ANKRD46: variants seen among roughly 807,000 people sequenced by gnomAD.
The protein encoded by ANKRD46 is ankyrin repeat domain-containing protein 46.
Under a neutral mutation model 19.8 loss-of-function variants are expected in ANKRD46, and 13 were observed. The observed-to-expected ratio is 0.66, with a 90% CI of 0.43 to 1.04. The LOEUF (loss-of-function observed/expected upper bound fraction) is 1.04. ANKRD46 is among the 50% of genes least tolerant of loss of function. The probability of loss-of-function intolerance (pLI) is 0.00; values close to 1 mark genes in which losing one functional copy is unlikely to be tolerated. For missense variants in ANKRD46, 185 were observed against 274.8 expected, an observed-to-expected ratio of 0.67 and a Z score of 2.31; for synonymous variants, 91 against 106.9, an observed-to-expected ratio of 0.85 and a Z score of 0.92.
intron 1 of ANKRD46, among the ~76,000 whole-genome samples, chr8:100,554,209 T>C (rs1267601905): frequency 6.6e-6 from 1 of 152,228 alleles, no homozygotes; most frequent in Non-Finnish European, 1.5e-5. Flanking sequence ...TCTAATAATG[T>C]ACTGGCAAGT....
downstream of ANKRD46, among the ~76,000 whole-genome samples, chr8:100,517,898 T>C (rs1268585088): frequency 6.6e-6 from 1 of 152,180 alleles, no homozygotes; most frequent in African/African-American, 2.4e-5. Context: ...TACATCAAGA[T>C]GACTACATAA....
At chr8:100,551,779 T>C in intron 1 of ANKRD46, 1 of 454,220 alleles carries the variant, frequency 2.2e-6, no homozygotes, top group African/African-American at 2.0e-5. Flanking sequence ...CCAGCACCCA[T>C]ACCCACCTCT....
In ANKRD46 at chr8:100,532,237, G is replaced by A. The variant is rs770203954; in HGVS notation, c.-28+972C>T. ...TCCCAGTACTTTGGAAGGCCAAAATGGGAGGATAGCTTGAAGCCCAGGAGT... is the reference window on the plus strand; with the variant it reads ...TCCCAGTACTTTGGAAGGCCAAAATAGGAGGATAGCTTGAAGCCCAGGAGT... On this transcript the variant is annotated intron_variant, in intron 2 of 4. Coordinates refer to ENST00000335659, the MANE Select transcript of ANKRD46 (RefSeq NM_001270377.2). This position sits in a 1 kb window ranked among gnomAD's most constrained non-coding sequence, Gnocchi z 4.7. The A allele has an allele frequency of 2.6e-5, 4 of 152,232 alleles. No homozygotes were observed. Among genetic ancestry groups the A allele is most frequent in the African/African-American group, 7.2e-5 (3 of 41,444 alleles). 9.4% of individuals were successfully genotyped at this position (152,232 alleles called of 1,614,324 possible).
intron 1 of ANKRD46, among the ~76,000 whole-genome samples, chr8:100,553,775 A>C (rs140030680): frequency 6.6e-6 from 1 of 152,280 alleles, no homozygotes; most frequent in East Asian, 1.9e-4. Flanking sequence ...AAACCAAAAA[A>C]ACTCAGGCAA....
chr8:100,530,510 A>C (rs531852094), intron 2 of ANKRD46, among the ~76,000 whole-genome samples: 14 of 151,994 alleles, frequency 9.2e-5, no homozygotes, highest in Non-Finnish European at 1.3e-4. Context: ...CAGCCTCCCA[A>C]GTAGCTGGAA....
intron 1 of ANKRD46, among the ~76,000 whole-genome samples, chr8:100,552,127 GTGA>G (rs1812404646): frequency 6.7e-6 from 1 of 149,152 alleles, no homozygotes; most frequent in African/African-American, 2.5e-5. Flanking sequence ...TCCAGCCTGG[GTGA>G]CAGAGTGAGA....
chr8:100,556,698 T>C (rs1006795375), intron 1 of ANKRD46: 1 of 152,226 alleles, frequency 6.6e-6, no homozygotes, highest in Admixed American at 6.5e-5. Context: ...ACCAAGGACC[T>C]TCCTATTACT....
At position 100,545,887 on chromosome 8, in the gene ANKRD46, G is replaced by A. The variant is rs934885994; in HGVS notation, c.-130-12576C>T. Among the ~76,000 whole-genome samples, 1 of 152,218 alleles carries A rather than the reference G, an allele frequency of 6.6e-6. No individual in the cohort carries two copies. Among genetic ancestry groups the A allele is most frequent in the African/African-American group, 2.4e-5 (1 of 41,458 alleles). On this transcript the variant is annotated intron_variant, in intron 1 of 4. Transcript: ENST00000335659. This position sits in a 1 kb window ranked among gnomAD's most constrained non-coding sequence, Gnocchi z 4.7. ...CTATGCTTTAGCAAAAAGACTGGTG[G>A]CATTTTGCCCCTGACCTAGAGATCT...
rs1443913296 is a variant in ANKRD46 at position 100,546,577 on chromosome 8, G to C, written c.-131+13134C>G. ...CTGCTACAGGGGCAGAGCCCTTATG[G>C]AGAACCTCTGCTGGGGCAGTGTGGA... On this transcript the variant is annotated intron_variant, in intron 1 of 4. Coordinates refer to ENST00000335659, the MANE Select transcript of ANKRD46 (RefSeq NM_001270377.2). This position sits in a 1 kb window ranked among gnomAD's most constrained non-coding sequence, Gnocchi z 4.0. 1.3e-5 allele frequency among the ~76,000 whole-genome samples: 2 copies of C among 152,250 alleles called. No individual in the cohort carries two copies. The highest frequency in any genetic ancestry group is 2.9e-5 in the Non-Finnish European group (2 of 68,044).
intron 3 of ANKRD46, among the ~76,000 whole-genome samples, chr8:100,528,861 G>C (rs1356198759): frequency 6.6e-6 from 1 of 152,130 alleles, no homozygotes; most frequent in African/African-American, 2.4e-5. Flanking sequence ...TAAAGGTCAA[G>C]CTCAGTTTTA....
At position 100,557,603 on chromosome 8, in the gene ANKRD46, TAAAAGC is replaced by T. The variant is rs1448807422; in HGVS notation, c.-131+2102_-131+2107del. On this transcript the variant is annotated intron_variant, in intron 1 of 4. Transcript: ENST00000335659. This position sits in a 1 kb window ranked among gnomAD's most constrained non-coding sequence, Gnocchi z 5.9. ...CAAACACCTCCCTTCTCACTCAGAG[TAAAAGC>T]AAAAGTCCTTACCTGGGCCCATTAG... Among the ~76,000 whole-genome samples, 2 of 152,122 alleles carry T rather than the reference TAAAAGC, an allele frequency of 1.3e-5. No homozygotes were observed. Among genetic ancestry groups the T allele is most frequent in the Non-Finnish European group, 2.9e-5 (2 of 68,018 alleles).
downstream of ANKRD46, among the ~76,000 whole-genome samples, chr8:100,519,780 G>T (rs1811691683): frequency 6.6e-6 from 1 of 152,184 alleles, no homozygotes; most frequent in Non-Finnish European, 1.5e-5. Context: ...AGCCTGTATA[G>T]TTCGTTCATG....
chr8:100,549,876 AT>A (rs1231064860), intron 1 of ANKRD46, among the ~76,000 whole-genome samples: 1 of 152,118 alleles, frequency 6.6e-6, no homozygotes, highest in Non-Finnish European at 1.5e-5. Flanking sequence ...AACCCCTGAT[AT>A]TTTTATTGTC....
intron 1 of ANKRD46, among the ~76,000 whole-genome samples, chr8:100,542,807 G>C (rs1812200055): frequency 6.6e-6 from 1 of 152,028 alleles, no homozygotes; most frequent in Non-Finnish European, 1.5e-5. Flanking sequence ...ATTAGGAAGG[G>C]GTGGGGCAAG....
At position 100,546,540 on chromosome 8, in the gene ANKRD46, C is replaced by G. The variant is rs557077228; in HGVS notation, c.-131+13171G>C. Among the ~76,000 whole-genome samples, 11 of 152,340 alleles carry G rather than the reference C, an allele frequency of 7.2e-5. No homozygotes were observed. The Middle Eastern group carries it at 0.01, about 141-fold the overall frequency. ...AGGACATATGGAAATTCCTGGATGT[C>G]CAGACAGAAGTCTGCTACAGGGGCA... On this transcript the variant is annotated intron_variant, in intron 1 of 4. Coordinates refer to ENST00000335659, the MANE Select transcript of ANKRD46 (RefSeq NM_001270377.2). This position sits in a 1 kb window ranked among gnomAD's most constrained non-coding sequence, Gnocchi z 4.0.
rs767695189 is a variant in ANKRD46 at position 100,529,851 on chromosome 8, T to C, written c.-18A>G. 2 of 1,609,604 alleles carry C rather than the reference T, an allele frequency of 1.2e-6. No homozygotes were observed. Among genetic ancestry groups the C allele is most frequent in the African/African-American group, 2.7e-5 (2 of 74,804 alleles). ...TACGACATTGTTCTGATGTGGTGGA[T>C]GGAACACGCCTGTAATGAAATAGGT... is the stretch of plus-strand genomic sequence containing the variant. On this transcript the variant is annotated 5_prime_UTR_variant, in exon 3 of 5. Transcript: ENST00000335659. This position sits in a 1 kb window ranked among gnomAD's most constrained non-coding sequence, Gnocchi z 5.8.
Position 100,522,067 on chromosome 8 carries a change from A to G in ANKRD46, c.*488T>C. 1 of 987,028 alleles carries G rather than the reference A, an allele frequency of 1.0e-6. No individual in the cohort carries two copies. Among genetic ancestry groups the G allele is most frequent in the Non-Finnish European group, 1.2e-6 (1 of 830,788 alleles). The allele number at this position is 987,028 out of a possible 1,614,324, so 61.1% of individuals were successfully genotyped here. A position where few individuals can be genotyped will look rare whatever the true frequency, so the allele number is the denominator to read the frequency against. On this transcript the variant is annotated 3_prime_UTR_variant, in exon 5 of 5. Coordinates refer to ENST00000335659, the MANE Select transcript of ANKRD46 (RefSeq NM_001270377.2). ...CTAACAATACTAATTTGCACACAAGATTTGAAAAAAGTACTTCAAGTTTTA... is the reference window on the plus strand; with the variant it reads ...CTAACAATACTAATTTGCACACAAGGTTTGAAAAAAGTACTTCAAGTTTTA...
intron 1 of ANKRD46, among the ~76,000 whole-genome samples, chr8:100,542,919 CTCTT>C (rs1812201778): frequency 6.6e-6 from 1 of 152,090 alleles, no homozygotes; most frequent in South Asian, 2.1e-4. Flanking sequence ...TACAGCAATT[CTCTT>C]TCTGACTGAG....
At position 100,536,943 on chromosome 8, in the gene ANKRD46, C is replaced by T. The variant is rs1053785939; in HGVS notation, c.-130-3632G>A. 3.3e-5 allele frequency among the ~76,000 whole-genome samples: 5 copies of T among 152,192 alleles called. No homozygotes were observed. The highest frequency in any genetic ancestry group is 7.2e-5 in the African/African-American group (3 of 41,442). On this transcript the variant is annotated intron_variant, in intron 1 of 4. Coordinates refer to ENST00000335659, the MANE Select transcript of ANKRD46 (RefSeq NM_001270377.2). This position sits in a 1 kb window ranked among gnomAD's most constrained non-coding sequence, Gnocchi z 4.9. ...TGGAGTCATTTATCCTTTCACATGA[C>T]GCAGTCACTTAGATCGCGGCAACAA... is the stretch of plus-strand genomic sequence containing the variant.
Sources: allele counts gnomAD v4.1 joint callset (sites outside exome capture counted in the v4.1 genomes callset), GRCh38; gene constraint gnomAD v4.1.1; non-coding constraint Gnocchi (gnomAD v3.1); transcripts MANE v1.5; gene names NCBI Gene and HGNC (gene_info 2026-07-23, HGNC 2026-07-21).